Variants in SLC2A4 observed in about 807,000 individuals in gnomAD.
SLC2A4 encodes the protein solute carrier family 2 member 4.
In SLC2A4, 31 loss-of-function variants were observed where a neutral mutation model predicts 53.3. The ratio of observed to expected loss-of-function variants is 0.58; its 90% CI spans 0.44 to 0.78. The LOEUF (loss-of-function observed/expected upper bound fraction) is 0.78, where lower values mean the gene tolerates loss of function less well. SLC2A4 is among the 30% of genes least tolerant of loss of function. The pLI, the probability that SLC2A4 is intolerant of heterozygous loss-of-function variation, is 0.00. For synonymous variants in SLC2A4, 276 were observed against 281.9 expected (o/e 0.98, Z 0.21); for missense variants, 538 against 655.7 (o/e 0.82, Z 1.96).
chr17:7,284,092 G>T lies in SLC2A4; in HGVS notation c.564+3G>T. ...TTATCGGCATTCTGATCGCCCAGGT[G>T]ACCGGAGCAAGCCTCATGGGTGCCT... On this transcript the variant is annotated splice_donor_region_variant and intron_variant, in intron 5 of 10. Coordinates refer to ENST00000317370, the MANE Select transcript of SLC2A4 (RefSeq NM_001042.3). This position sits in a 1 kb window ranked among gnomAD's most constrained non-coding sequence, Gnocchi z 7.5. 2 of 1,613,328 alleles carry T rather than the reference G, an allele frequency of 1.2e-6. No homozygotes were observed. The highest frequency in any genetic ancestry group is 1.1e-5 in the South Asian group (1 of 90,976).
chr17:7,286,149 T>C, intron 10 of SLC2A4: 2 of 614,326 alleles, frequency 3.3e-6, no homozygotes, highest in Admixed American at 2.9e-5. Context: ...AATAAAATGA[T>C]ACACTTTGCA....
chr17:7,284,503 G>A lies in SLC2A4; in HGVS notation c.746G>A (p.Gly249Asp), dbSNP rs776380806. 6.2e-7 allele frequency: 1 copy of A among 1,614,262 alleles called. No individual in the cohort carries two copies. Among genetic ancestry groups the A allele is most frequent in the East Asian group, 2.2e-5 (1 of 44,890 alleles). ...TCTCCAGGTCTGAAGCGCCTGACAGGCTGGGCCGATGTTTCTGGAGTGCTG... is the reference window on the plus strand; with the variant it reads ...TCTCCAGGTCTGAAGCGCCTGACAGACTGGGCCGATGTTTCTGGAGTGCTG... ...PARKSLKRLT[G>D]WADVSGVLAE... Residue 249 changes from glycine to aspartate, a missense_variant, in exon 7 of 11, where the codon GGC (glycine) becomes GAC (aspartate). Physicochemically the swap from Gly to Asp is moderately conservative, Grantham distance 94. Coordinates refer to ENST00000317370, the MANE Select transcript of SLC2A4 (RefSeq NM_001042.3). The surrounding 1 kb of genome is among the most constrained non-coding windows in gnomAD (Gnocchi z 7.5).
At position 7,285,240 on chromosome 17, in the gene SLC2A4, C is replaced by T. The variant is rs1455980686; in HGVS notation, c.1122+51C>T. 4.9e-6 allele frequency: 7 copies of T among 1,438,890 alleles called. No individual in the cohort carries two copies. The highest frequency in any genetic ancestry group is 6.7e-6 in the Non-Finnish European group (7 of 1,046,662). The allele number at this position is 1,438,890 out of a possible 1,614,324, so 89.1% of individuals were successfully genotyped here. ...TAGCAGCCCACCCCATGGGAATGGT[C>T]CTGTGAGTCTCTGTGACCAGCCAGG... On this transcript the variant is annotated intron_variant, in intron 9 of 10. Transcript: ENST00000317370. The surrounding 1 kb of genome is among the most constrained non-coding windows in gnomAD (Gnocchi z 6.0).
rs778276030 is a variant in SLC2A4, at chr17:7,284,453, G to T, written c.728-32G>T. ...CTTGCTAGCACCTGGCTTCCTCTCA[G>T]GTCCCCTCAGGCCTGACCTTCCCTT... On this transcript the variant is annotated intron_variant, in intron 6 of 10. Coordinates refer to ENST00000317370, the MANE Select transcript of SLC2A4 (RefSeq NM_001042.3). The surrounding 1 kb of genome is among the most constrained non-coding windows in gnomAD (Gnocchi z 7.5). 1 of 1,614,216 alleles carries T rather than the reference G, an allele frequency of 6.2e-7. No homozygotes were observed. The highest frequency in any genetic ancestry group is 8.5e-7 in the Non-Finnish European group (1 of 1,180,026).
rs773966408 is a variant in SLC2A4, at chr17:7,283,223, G to T, written c.34-22G>T. 6.3e-7 allele frequency: 1 copy of T among 1,588,190 alleles called. No homozygotes were observed. The highest frequency in any genetic ancestry group is 8.6e-7 in the Non-Finnish European group (1 of 1,156,548). On this transcript the variant is annotated intron_variant, in intron 1 of 10. Coordinates refer to ENST00000317370, the MANE Select transcript of SLC2A4 (RefSeq NM_001042.3). The surrounding 1 kb of genome is among the most constrained non-coding windows in gnomAD (Gnocchi z 5.8). ...ATCATGGTTCCATGTGACATGCTGT[G>T]TCTTTGTGTCTGCCTGTTCAGGATG...
rs2143004957 is a variant in SLC2A4, at chr17:7,284,751, C to T, written c.915+79C>T. ...GTGGGGAGCAAACCCCCTCCACCAACACCCAGGGTAGGGCCAGCCTGTTGT... is the reference window on the plus strand; with the variant it reads ...GTGGGGAGCAAACCCCCTCCACCAATACCCAGGGTAGGGCCAGCCTGTTGT... On this transcript the variant is annotated intron_variant, in intron 7 of 10. Transcript: ENST00000317370. This position sits in a 1 kb window ranked among gnomAD's most constrained non-coding sequence, Gnocchi z 7.5. 2 of 1,609,880 alleles carry T rather than the reference C, an allele frequency of 1.2e-6. No homozygotes were observed. The highest frequency in any genetic ancestry group is 2.2e-5 in the East Asian group (1 of 44,858).
In SLC2A4 at chr17:7,283,315, C is replaced by T. The variant is rs376636615; in HGVS notation, c.104C>T (p.Ser35Phe). 2 of 1,613,968 alleles carry T rather than the reference C, an allele frequency of 1.2e-6. No individual in the cohort carries two copies. The highest frequency in any genetic ancestry group is 1.7e-6 in the Non-Finnish European group (2 of 1,180,030). ...GCTGTGTTCTCTGCGGTGCTTGGCTCCCTGCAGTTTGGGTACAACATTGGG... is the reference window on the plus strand; with the variant it reads ...GCTGTGTTCTCTGCGGTGCTTGGCTTCCTGCAGTTTGGGTACAACATTGGG... ...VLAVFSAVLG[S>F]LQFGYNIGVI... The change falls in exon 2 of 11, where the codon TCC (serine) becomes TTC (phenylalanine). Residue 35 changes from serine to phenylalanine, a missense_variant. By Grantham distance (155) the Ser-to-Phe change is radical (BLOSUM62 -2). Coordinates refer to ENST00000317370, the MANE Select transcript of SLC2A4 (RefSeq NM_001042.3). The surrounding 1 kb of genome is among the most constrained non-coding windows in gnomAD (Gnocchi z 5.8).
In SLC2A4 at chr17:7,284,616, C is replaced by T. The variant is rs138015791; in HGVS notation, c.859C>T (p.Pro287Ser). 5.3e-5 allele frequency: 85 copies of T among 1,614,076 alleles called. No homozygotes were observed. Among genetic ancestry groups the T allele is most frequent in the Non-Finnish European group, 4.3e-5 (51 of 1,180,052 alleles). ...QLLGSRTHRQ[P>S]LIIAVVLQLS... ...CCTGGGCAGCCGTACCCACCGGCAG[C>T]CCCTGATCATTGCGGTCGTGCTGCA... The change falls in exon 7 of 11, where the codon CCC becomes TCC. Residue 287 changes from proline (P) to serine (S), a missense_variant. By Grantham distance (74) the Pro-to-Ser change is moderately conservative. Transcript: ENST00000317370. The surrounding 1 kb of genome is among the most constrained non-coding windows in gnomAD (Gnocchi z 7.5).
At chr17:7,281,994 CG>C (rs768176546) in intron 1 of SLC2A4, 27 bp downstream of exon 1, 27 of 224,038 alleles carry the variant, frequency 1.2e-4, no homozygotes, top group Non-Finnish European at 1.7e-4. Context: ...GGGGGCGGGG[CG>C]GGGGGGCACG....
At position 7,282,459 on chromosome 17, in the gene SLC2A4, C is replaced by T. The variant is rs758412543; in HGVS notation, c.33+492C>T. ...GTGGAGGGGCAGAGGGGACTGTCAG[C>T]CCCCCCTCCTCCAGCTCAGGTTTCC... is the stretch of plus-strand genomic sequence containing the variant. On this transcript the variant is annotated intron_variant, in intron 1 of 10. Transcript: ENST00000317370. This position sits in a 1 kb window ranked among gnomAD's most constrained non-coding sequence, Gnocchi z 4.1. 2 of 452,328 alleles carry T rather than the reference C, an allele frequency of 4.4e-6. No individual in the cohort carries two copies. Among genetic ancestry groups the T allele is most frequent in the African/African-American group, 2.0e-5 (1 of 49,996 alleles). The allele number at this position is 452,328 out of a possible 1,614,324, so 28.0% of individuals were successfully genotyped here. A position where few individuals can be genotyped will look rare whatever the true frequency, so the allele number is the denominator to read the frequency against.
In SLC2A4 at chr17:7,285,657, T is replaced by C. The variant is rs2072443195; in HGVS notation, c.1123-48T>C. 4 of 1,581,512 alleles carry C rather than the reference T, an allele frequency of 2.5e-6. No individual in the cohort carries two copies. Among genetic ancestry groups the C allele is most frequent in the Non-Finnish European group, 2.6e-6 (3 of 1,150,696 alleles). ...TCTCTGAGTTGAGGGCAAGGGAAGATCAGAAAGGCCTCAACTGGATTCTCC... is the reference window on the plus strand; with the variant it reads ...TCTCTGAGTTGAGGGCAAGGGAAGACCAGAAAGGCCTCAACTGGATTCTCC... On this transcript the variant is annotated intron_variant, in intron 9 of 10. Coordinates refer to ENST00000317370, the MANE Select transcript of SLC2A4 (RefSeq NM_001042.3). This position sits in a 1 kb window ranked among gnomAD's most constrained non-coding sequence, Gnocchi z 6.0.
At position 7,286,663 on chromosome 17, in the gene SLC2A4, C is replaced by A; in HGVS notation, c.*34C>A. 6.3e-7 allele frequency: 1 copy of A among 1,580,140 alleles called. No homozygotes were observed. On this transcript the variant is annotated 3_prime_UTR_variant, in exon 11 of 11. Coordinates refer to ENST00000317370, the MANE Select transcript of SLC2A4 (RefSeq NM_001042.3). ...GCAGGGGTGGGAGAGCCAGCTCTCT[C>A]TACCCGGCCCAGAGACCCCTTCCTT...
chr17:7,286,518 C>G lies in SLC2A4; in HGVS notation c.1419C>G (p.Gly473=), dbSNP rs2072451577. The change falls in exon 11 of 11, where the codon GGC becomes GGG. Residue 473 remains glycine, a synonymous_variant. Coordinates refer to ENST00000317370, the MANE Select transcript of SLC2A4 (RefSeq NM_001042.3). ...TCTTAAGAGTACCTGAAACTCGAGGCCGGACGTTTGACCAGATCTCAGCTG... is the reference window on the plus strand; with the variant it reads ...TCTTAAGAGTACCTGAAACTCGAGGGCGGACGTTTGACCAGATCTCAGCTG... The part of the protein sequence containing the change: ...FTFLRVPETR[G]RTFDQISAAF... 6.2e-7 allele frequency: 1 copy of G among 1,614,178 alleles called. No homozygotes were observed. Among genetic ancestry groups the G allele is most frequent in the African/African-American group, 1.3e-5 (1 of 75,046 alleles).
Position 7,283,403 on chromosome 17 carries a change from G to A in SLC2A4, c.150+42G>A, listed in dbSNP as rs1352241468. On this transcript the variant is annotated intron_variant, in intron 2 of 10. Coordinates refer to ENST00000317370, the MANE Select transcript of SLC2A4 (RefSeq NM_001042.3). The surrounding 1 kb of genome is among the most constrained non-coding windows in gnomAD (Gnocchi z 5.8). ...GGCAGGGTGGGGGTACCCAAACGAG[G>A]AGGACAGGTGTCTCGGGGGTGGTGG... is the stretch of plus-strand genomic sequence containing the variant. The A allele has an allele frequency of 1.2e-6, 2 of 1,612,274 alleles. No individual in the cohort carries two copies. Among genetic ancestry groups the A allele is most frequent in the Admixed American group, 1.7e-5 (1 of 60,000 alleles).
chr17:7,281,943 G>A lies in SLC2A4; in HGVS notation c.9G>A (p.Ser3=). 1 of 1,608,826 alleles carries A rather than the reference G, an allele frequency of 6.2e-7. No individual in the cohort carries two copies. Among genetic ancestry groups the A allele is most frequent in the Non-Finnish European group, 8.5e-7 (1 of 1,177,638 alleles). Residue 3 remains serine, a synonymous_variant, in exon 1 of 11, where the codon TCG becomes TCA. Coordinates refer to ENST00000317370, the MANE Select transcript of SLC2A4 (RefSeq NM_001042.3). ...AGCTCTTCTAAGACGAGATGCCGTC[G>A]GGCTTCCAACAGATAGGCTCCGAAG... MP[S]GFQQIGSEDG...
Position 7,285,107 on chromosome 17 carries a change from C to A in SLC2A4, c.1040C>A (p.Ala347Glu). 1 of 1,604,114 alleles carries A rather than the reference C, an allele frequency of 6.2e-7. No homozygotes were observed. Among genetic ancestry groups the A allele is most frequent in the Non-Finnish European group, 8.5e-7 (1 of 1,176,738 alleles). The change falls in exon 9 of 11, where the codon GCG (alanine) becomes GAG (glutamate). Residue 347 changes from alanine to glutamate, a missense_variant. Coordinates refer to ENST00000317370, the MANE Select transcript of SLC2A4 (RefSeq NM_001042.3). The surrounding 1 kb of genome is among the most constrained non-coding windows in gnomAD (Gnocchi z 6.0). The stretch of plus-strand genomic sequence containing the variant: ...CCGCAGGTGTTGTTGGTGGAGCGGG[C>A]GGGGCGCCGGACGCTCCATCTCCTG... ...TLVSVLLVERAGRRTLHLLGL... is the reference protein window; with the variant it reads ...TLVSVLLVEREGRRTLHLLGL...
Position 7,288,012 on chromosome 17 carries a change from T to C in SLC2A4, c.*1383T>C, listed in dbSNP as rs1286189410. The C allele has an allele frequency of 6.6e-6, 1 of 152,236 alleles. No individual in the cohort carries two copies. Among genetic ancestry groups the C allele is most frequent in the East Asian group, 1.9e-4 (1 of 5,204 alleles). 9.4% of individuals were successfully genotyped at this position (152,236 alleles called of 1,614,324 possible). ...TTAATAGTAAATGCTCAATAAATTG[T>C]AGCTGCCAGTGCCGGGCATTGCTCT... On this transcript the variant is annotated 3_prime_UTR_variant, in exon 11 of 11. Transcript: ENST00000317370.
Position 7,282,130 on chromosome 17 carries a change from G to T in SLC2A4, c.33+163G>T. 2.9e-6 allele frequency: 2 copies of T among 680,032 alleles called. No individual in the cohort carries two copies. The highest frequency in any genetic ancestry group is 2.6e-6 in the Non-Finnish European group (1 of 379,110). The allele number at this position is 680,032 out of a possible 1,614,324, so 42.1% of individuals were successfully genotyped here. ...CGGCCTGGACAACCCGTGACTGTGA[G>T]ATTCCAATCCTACCAAAAGGCAGAG... is the stretch of plus-strand genomic sequence containing the variant. On this transcript the variant is annotated intron_variant, in intron 1 of 10. Coordinates refer to ENST00000317370, the MANE Select transcript of SLC2A4 (RefSeq NM_001042.3). This position sits in a 1 kb window ranked among gnomAD's most constrained non-coding sequence, Gnocchi z 4.1.
chr17:7,281,999 G>A (rs1300752772), intron 1 of SLC2A4, 32 bp downstream of exon 1: 7 of 1,169,368 alleles, frequency 6.0e-6, no homozygotes, highest in Admixed American at 3.5e-5. Context: ...CGGGGCGGGG[G>A]GGCACGGGTC....
Sources: allele counts gnomAD v4.1 joint callset, GRCh38; gene constraint gnomAD v4.1.1; non-coding constraint Gnocchi (gnomAD v3.1); transcripts MANE v1.5; gene names NCBI Gene and HGNC (gene_info 2026-07-23, HGNC 2026-07-21).